CDYL2: variants seen among roughly 807,000 people sequenced by gnomAD.
CDYL2 encodes the protein chromodomain Y-like protein 2.
CDYL2 carries 23 observed loss-of-function variants against 49.4 expected under a neutral mutation model. The observed-to-expected ratio is 0.47, with a 90% CI of 0.34 to 0.66. The LOEUF is 0.66. CDYL2 is among the 30% of genes least tolerant of loss of function. The pLI, the probability that CDYL2 is intolerant of heterozygous loss-of-function variation, is 0.01. For synonymous variants in CDYL2, 360 were observed against 268.8 expected, an observed-to-expected ratio of 1.34 and a Z score of -3.32; for missense variants, 678 against 656.4, an observed-to-expected ratio of 1.03 and a Z score of -0.36.
At chr16:80,703,534 C>T (rs933892890) in intron 1 of CDYL2, among the ~76,000 whole-genome samples, 1 of 152,176 alleles carries the variant, frequency 6.6e-6, no homozygotes, top group African/African-American at 2.4e-5. Context: ...AGTCAATGCC[C>T]ACCCAGCCAC....
intron 1 of CDYL2, among the ~76,000 whole-genome samples, chr16:80,701,535 A>G (rs1291158286): frequency 1.3e-5 from 2 of 152,206 alleles, no homozygotes; most frequent in Non-Finnish European, 2.9e-5. Context: ...AAAAATGAGC[A>G]CATTCCAAAA....
intron 2 of CDYL2, among the ~76,000 whole-genome samples, chr16:80,667,978 G>A (rs1399508393): frequency 6.6e-6 from 1 of 152,238 alleles, no homozygotes; most frequent in Non-Finnish European, 1.5e-5. Flanking sequence ...CCCAGGGAGA[G>A]ACACAAGTGG....
chr16:80,766,586 G>A lies in CDYL2; in HGVS notation c.24+37564C>T, dbSNP rs1294122644. On this transcript the variant is annotated intron_variant, in intron 1 of 6. Coordinates refer to ENST00000570137, the MANE Select transcript of CDYL2 (RefSeq NM_152342.4). Reference sequence around the variant, plus strand: ...ACCCAATCCCAATACAACCCAATGAGGCAGGCACTACTCTTACTCAACTCC... The same window carrying A: ...ACCCAATCCCAATACAACCCAATGAAGCAGGCACTACTCTTACTCAACTCC... Among the ~76,000 whole-genome samples, 3 of 152,112 alleles carry A rather than the reference G, an allele frequency of 2.0e-5. No homozygotes were observed. The East Asian group carries it at 5.8e-4, about 29-fold the overall frequency.
intron 1 of CDYL2, among the ~76,000 whole-genome samples, chr16:80,759,226 G>T (rs1018816133): frequency 2.0e-5 from 3 of 147,052 alleles, no homozygotes; most frequent in Non-Finnish European, 3.0e-5. Flanking sequence ...TATGATATAG[G>T]TTAGTGTCTC....
chr16:80,609,016 A>C (rs7187794), intron 5 of CDYL2, among the ~76,000 whole-genome samples: 57,159 of 152,060 alleles, frequency 0.38, 13,442 homozygotes, highest in African/African-American at 0.67. Context: ...GCATCTCTCC[A>C]AGCAGCTCAG....
chr16:80,623,720 C>A (rs931035356), intron 3 of CDYL2, among the ~76,000 whole-genome samples: 12 of 152,174 alleles, frequency 7.9e-5, no homozygotes, highest in African/African-American at 2.9e-4. Context: ...AATCAAAGTA[C>A]AGTCACTGTG....
chr16:80,759,120 A>ATATATATATATATATATATTTTT (rs1567597491), intron 1 of CDYL2, among the ~76,000 whole-genome samples: 1 of 122,700 alleles, frequency 8.1e-6, no homozygotes, highest in Non-Finnish European at 1.6e-5. Flanking sequence ...ATATATATAT[A>ATATATATATATATATATATTTTT]TATATATATA....
At chr16:80,789,920 G>A (rs550823394) in intron 1 of CDYL2, among the ~76,000 whole-genome samples, 1 of 152,144 alleles carries the variant, frequency 6.6e-6, no homozygotes, top group Non-Finnish European at 1.5e-5. Flanking sequence ...AAGGAAAGAA[G>A]ATGTGAGGGG....
chr16:80,749,053 T>C (rs909496781), intron 1 of CDYL2, among the ~76,000 whole-genome samples: 1 of 152,180 alleles, frequency 6.6e-6, no homozygotes, highest in Non-Finnish European at 1.5e-5. Flanking sequence ...TGGTTCTAAC[T>C]GTACCTAAAT....
At chr16:80,772,195 G>C (rs953860351) in intron 1 of CDYL2, among the ~76,000 whole-genome samples, 1 of 152,132 alleles carries the variant, frequency 6.6e-6, no homozygotes, top group African/African-American at 2.4e-5. Flanking sequence ...AAATAAAAAT[G>C]AGGAAAATTT....
At chr16:80,745,739 G>A (rs953657150) in intron 1 of CDYL2, among the ~76,000 whole-genome samples, 1 of 152,208 alleles carries the variant, frequency 6.6e-6, no homozygotes, top group African/African-American at 2.4e-5. Context: ...ATACCACAAT[G>A]ATAGCATTGC....
At chr16:80,685,245 G>A in intron 1 of CDYL2, 116 bp from the exon 2 acceptor site, 2 of 766,650 alleles carry the variant, frequency 2.6e-6, no homozygotes, top group Non-Finnish European at 4.2e-6. Flanking sequence ...CTAGCCAGGG[G>A]GTGAGCCACG....
chr16:80,724,336 G>T (rs547932859), intron 1 of CDYL2, among the ~76,000 whole-genome samples: 1 of 152,006 alleles, frequency 6.6e-6, no homozygotes, highest in Non-Finnish European at 1.5e-5. Flanking sequence ...AAGAGGAGGA[G>T]GAGGAAGAAA....
chr16:80,607,074 T>C (rs1906370545), intron 6 of CDYL2, among the ~76,000 whole-genome samples: 1 of 152,138 alleles, frequency 6.6e-6, no homozygotes, highest in African/African-American at 2.4e-5. Flanking sequence ...GTGGGGCAAA[T>C]TGGTGACCCT....
At chr16:80,753,575 T>C (rs1171592034) in intron 1 of CDYL2, among the ~76,000 whole-genome samples, 1 of 151,916 alleles carries the variant, frequency 6.6e-6, no homozygotes, top group Non-Finnish European at 1.5e-5. Context: ...GCCATTGTAC[T>C]ACAGCCTGGG....
Position 80,741,495 on chromosome 16 carries a change from AT to A in CDYL2, c.25-56367del, listed in dbSNP as rs1346684247. ...GTTTTAAAAAAACATTATGGGGAAA[AT>A]ATTTGCAGCATAGGTGGTAAAGTTA... On this transcript the variant is annotated intron_variant, in intron 1 of 6. Transcript: ENST00000570137. Among the ~76,000 whole-genome samples, 212 of 152,318 alleles carry A rather than the reference AT, an allele frequency of 1.4e-3. 1 individual carries two copies. Among genetic ancestry groups the A allele is most frequent in the African/African-American group, 4.9e-3 (204 of 41,580 alleles).
At chr16:80,743,314 T>C (rs932315065) in intron 1 of CDYL2, among the ~76,000 whole-genome samples, 1 of 152,210 alleles carries the variant, frequency 6.6e-6, no homozygotes, top group Non-Finnish European at 1.5e-5. Context: ...GAAAGTGTTA[T>C]CTTCTTAAGT....
intron 1 of CDYL2, among the ~76,000 whole-genome samples, chr16:80,712,189 G>GTATATATATATATATATATA (rs527296483): frequency 3.3e-4 from 25 of 75,842 alleles, no homozygotes; most frequent in South Asian, 1.7e-3. Context: ...GTGTCTGTGT[G>GTATATATATATATATATATA]TGTATATATA....
At chr16:80,770,106 A>G (rs750902371) in intron 1 of CDYL2, among the ~76,000 whole-genome samples, 1 of 151,658 alleles carries the variant, frequency 6.6e-6, no homozygotes, top group Non-Finnish European at 1.5e-5. Flanking sequence ...TCTGAGAATT[A>G]AGGATGAAAA....
Sources: allele counts gnomAD v4.1 joint callset (sites outside exome capture counted in the v4.1 genomes callset), GRCh38; gene constraint gnomAD v4.1.1; transcripts MANE v1.5; gene names NCBI Gene and HGNC (gene_info 2026-07-23, HGNC 2026-07-21).